ANKRD17: variants seen among roughly 807,000 people sequenced by gnomAD.
ANKRD17 encodes the protein ankyrin repeat domain 17, also known as ankyrin repeat domain-containing protein 17.
A neutral mutation model predicts 229.7 loss-of-function variants in ANKRD17; 19 were observed. The ratio of observed to expected loss-of-function variants is 0.08; its 90% CI spans 0.06 to 0.12. The LOEUF (loss-of-function observed/expected upper bound fraction) is 0.12, where lower values mean the gene tolerates loss of function less well. ANKRD17 is among the 10% of genes least tolerant of loss of function. The pLI is 1.00. For missense variants in ANKRD17, 2,176 were observed against 3,176.8 expected (o/e 0.68, Z 7.57); for synonymous variants, 1,112 against 1,146.1 (o/e 0.97, Z 0.60).
chr4:73,195,557 G>A (rs1223304460), intron 1 of ANKRD17, among the ~76,000 whole-genome samples: 1 of 151,734 alleles, frequency 6.6e-6, no homozygotes, highest in African/African-American at 2.4e-5. Flanking sequence ...TCACCAGGCT[G>A]GCGTGCAGTG....
chr4:73,085,178 G>A (rs1721990161), intron 30 of ANKRD17, 71 bp downstream of exon 30: 11 of 1,466,972 alleles, frequency 7.5e-6, no homozygotes, highest in Middle Eastern at 1.8e-4. Context: ...AAATTATGAT[G>A]AGGTTTGAAA....
intron 1 of ANKRD17, among the ~76,000 whole-genome samples, chr4:73,212,169 ACAAGAATAACT>A (rs1740364760): frequency 6.6e-6 from 1 of 152,096 alleles, no homozygotes; most frequent in African/African-American, 2.4e-5. Flanking sequence ...CTTTCACTGT[ACAAGAATAACT>A]CAAAATGAAA....
In ANKRD17 at chr4:73,124,946, T is replaced by C. The variant is rs148160378; in HGVS notation, c.3459A>G (p.Pro1153=). 9 of 1,613,462 alleles carry C rather than the reference T, an allele frequency of 5.6e-6. No individual in the cohort carries two copies. In the African/African-American group the frequency reaches 8.0e-5, roughly 14 times the overall value. The change falls in exon 18 of 34, where the codon CCA becomes CCG. Residue 1153 remains proline (P), a synonymous_variant. Coordinates refer to ENST00000358602, the MANE Select transcript of ANKRD17 (RefSeq NM_032217.5). ...EAQSERTKDT[P]LSLACSGGRQ... ...TTCCCCCAGAACAAGCCAAGGAGAG[T>C]GGTGTGTCCTTGGTTCTTTCAGACT...
intron 25 of ANKRD17, 25 bp downstream of exon 25, chr4:73,102,351 T>C (rs1011452353): frequency 6.4e-7 from 1 of 1,566,904 alleles, no homozygotes; most frequent in Non-Finnish European, 8.6e-7. Context: ...ATAAAACAAA[T>C]GGGATGGTTG....
At chr4:73,141,876 T>G in intron 13 of ANKRD17, 33 bp from the exon 14 acceptor site, 1 of 1,506,990 alleles carries the variant, frequency 6.6e-7, no homozygotes, top group Non-Finnish European at 9.2e-7. Flanking sequence ...ACTATTAGTG[T>G]CCTACACAAT....
chr4:73,173,601 A>C (rs984411074), intron 2 of ANKRD17, among the ~76,000 whole-genome samples: 5 of 152,232 alleles, frequency 3.3e-5, no homozygotes, highest in Admixed American at 2.6e-4. Context: ...ACATCGCTGC[A>C]AATTCTGCAA....
At chr4:73,219,675 G>C (rs1261599863) in intron 1 of ANKRD17, among the ~76,000 whole-genome samples, 1 of 152,146 alleles carries the variant, frequency 6.6e-6, no homozygotes, top group African/African-American at 2.4e-5. Context: ...GAACCATAGA[G>C]AGTTGGCACT....
chr4:73,100,940 A>T, intron 25 of ANKRD17: 1 of 985,458 alleles, frequency 1.0e-6, no homozygotes, highest in Non-Finnish European at 1.2e-6. Context: ...CCATAGATTT[A>T]ACCAACACTA....
chr4:73,091,301 T>C lies in ANKRD17; in HGVS notation c.6327A>G (p.Gln2109=), dbSNP rs1432432741. 1.9e-6 allele frequency: 3 copies of C among 1,614,168 alleles called. No homozygotes were observed. The highest frequency in any genetic ancestry group is 1.1e-5 in the South Asian group (1 of 91,084). The change falls in exon 29 of 34, where the codon CAA becomes CAG. Residue 2109 remains glutamine, a synonymous_variant. Transcript: ENST00000358602. Reference sequence around the variant, plus strand: ...CCTGAGAAACAGATCCCGGAGGTTGTTGCTGATTAGAATGAGCTGATGAAC... The same window carrying C: ...CCTGAGAAACAGATCCCGGAGGTTGCTGCTGATTAGAATGAGCTGATGAAC... The part of the protein sequence containing the change: ...SGSSSAHSNQ[Q]QPPGSVSQEP...
intron 25 of ANKRD17, among the ~76,000 whole-genome samples, chr4:73,099,789 G>A (rs1454408595): frequency 9.2e-5 from 14 of 152,172 alleles, no homozygotes; most frequent in Non-Finnish European, 1.6e-4. Context: ...AGGCAGGAGG[G>A]GTGTGAGCCT....
chr4:73,245,216 G>C (rs1312448303), intron 1 of ANKRD17, among the ~76,000 whole-genome samples: 1 of 129,614 alleles, frequency 7.7e-6, no homozygotes, highest in Non-Finnish European at 1.8e-5. Context: ...CACCTGTAAT[G>C]GTTTCTTCTT....
At chr4:73,124,556 A>T (rs1343039198) in intron 18 of ANKRD17, among the ~76,000 whole-genome samples, 1 of 152,214 alleles carries the variant, frequency 6.6e-6, no homozygotes, top group Non-Finnish European at 1.5e-5. Context: ...ACAGACAGCA[A>T]CAGAGACTGT....
At chr4:73,161,129 T>C (rs977749437) in intron 3 of ANKRD17, 63 bp downstream of exon 3, 1 of 1,572,390 alleles carries the variant, frequency 6.4e-7, no homozygotes, top group African/African-American at 1.4e-5. Flanking sequence ...CAGTAAATGT[T>C]AGCTATTTGT....
intron 33 of ANKRD17, 73 bp from the exon 34 acceptor site, chr4:73,076,363 AACTAAGGAGGT>A: frequency 8.3e-7 from 1 of 1,210,586 alleles, no homozygotes; most frequent in Non-Finnish European, 1.1e-6. Context: ...ACTTTTAAAA[AACTAAGGAGGT>A]ACTCTTCAAT....
At chr4:73,204,358 C>CAAAAAAAAAAAAAAAA (rs374000000) in intron 1 of ANKRD17, among the ~76,000 whole-genome samples, 52 of 58,964 alleles carry the variant, frequency 8.8e-4, no homozygotes, top group Non-Finnish European at 1.0e-3. Flanking sequence ...GAGACTCCGT[C>CAAAAAAAAAAAAAAAA]AAAAAAAAAA....
intron 1 of ANKRD17, among the ~76,000 whole-genome samples, chr4:73,206,570 A>G (rs1247071138): frequency 6.6e-6 from 1 of 152,186 alleles, no homozygotes; most frequent in Non-Finnish European, 1.5e-5. Context: ...AGCCAGGCAC[A>G]GAAATGCAAG....
In ANKRD17 at chr4:73,091,834, A is replaced by C; in HGVS notation, c.5794T>G (p.Leu1932Val). The C allele has an allele frequency of 6.2e-7, 1 of 1,614,194 alleles. No individual in the cohort carries two copies. The highest frequency in any genetic ancestry group is 8.5e-7 in the Non-Finnish European group (1 of 1,180,030). ...GAGTTAGTAGCTCTGGCAGGGCTCA[A>C]AGGCCTGACAGGAAACGGACCCCAA... ...STWGPFPVRP[L>V]SPARATNSPK... Residue 1932 changes from leucine to valine, a missense_variant, in exon 29 of 34, where the codon TTG becomes GTG. Coordinates refer to ENST00000358602, the MANE Select transcript of ANKRD17 (RefSeq NM_032217.5).
chr4:73,098,989 A>C, intron 25 of ANKRD17: 1 of 980,888 alleles, frequency 1.0e-6, no homozygotes, highest in Non-Finnish European at 1.6e-6. Flanking sequence ...CACCTAAGAG[A>C]CCTTGGGGCC....
chr4:73,246,409 A>C lies in ANKRD17; in HGVS notation c.393+11867T>G, dbSNP rs1227619415. Reference sequence around the variant, plus strand: ...AATTCTCTGAATTAGGAGGAAAAGCATTTTGTATATATCTTTCACTTGGAG... The same window carrying C: ...AATTCTCTGAATTAGGAGGAAAAGCCTTTTGTATATATCTTTCACTTGGAG... On this transcript the variant is annotated intron_variant, in intron 1 of 33. Transcript: ENST00000358602. Among the ~76,000 whole-genome samples the C allele has an allele frequency of 5.3e-5, 8 of 152,218 alleles. No homozygotes were observed. The East Asian group carries it at 1.5e-3, about 29-fold the overall frequency.
Sources: allele counts gnomAD v4.1 joint callset (sites outside exome capture counted in the v4.1 genomes callset), GRCh38; gene constraint gnomAD v4.1.1; transcripts MANE v1.5; gene names NCBI Gene and HGNC (gene_info 2026-07-23, HGNC 2026-07-21).